Variants in CASP6 observed in about 807,000 individuals in gnomAD.
CASP6 encodes the protein caspase 6.
Under a neutral mutation model 31.8 loss-of-function variants are expected in CASP6, and 20 were observed. The observed-to-expected ratio is 0.63, with a 90% CI of 0.44 to 0.91. The LOEUF is 0.91. CASP6 is among the 40% of genes least tolerant of loss of function. The probability of loss-of-function intolerance (pLI) is 0.00; values close to 1 mark genes in which losing one functional copy is unlikely to be tolerated. For missense variants in CASP6, 328 were observed against 361.1 expected (o/e 0.91, Z 0.74); for synonymous variants, 130 against 127.8 (o/e 1.02, Z -0.12).
intron 2 of CASP6, 136 bp from the exon 3 acceptor site, chr4:109,697,904 A>G (rs1001028671): frequency 6.4e-6 from 6 of 940,422 alleles, no homozygotes; most frequent in South Asian, 5.3e-5. Flanking sequence ...GTGCTCCAGG[A>G]AAGGCCATGC....
At chr4:109,684,653 AGTTT>A (rs754000756), downstream of CASP6, 10 of 1,318,956 alleles carry the variant, frequency 7.6e-6, no homozygotes, top group Non-Finnish European at 1.1e-5. Flanking sequence ...ACAGGTGAGT[AGTTT>A]GTTAGGAAAA....
chr4:109,677,471 G>A, the CASP6 span, among the ~76,000 whole-genome samples: 1 of 152,148 alleles, frequency 6.6e-6, no homozygotes, highest in African/African-American at 2.4e-5. Context: ...AGGGGCCGGG[G>A]CAGAATGCTA....
upstream of CASP6, chr4:109,703,502 C>A: frequency 2.1e-6 from 3 of 1,434,354 alleles, no homozygotes; most frequent in South Asian, 1.3e-5. Context: ...GCCCCCTGCC[C>A]CCGAGCGTGG....
chr4:109,673,061 T>A, the CASP6 span, among the ~76,000 whole-genome samples: 2 of 152,216 alleles, frequency 1.3e-5, no homozygotes, highest in African/African-American at 2.4e-5. Context: ...CTTACAAACT[T>A]GCTTCCATTC....
chr4:109,701,666 AC>A (rs1238512736), intron 1 of CASP6, among the ~76,000 whole-genome samples: 1 of 152,228 alleles, frequency 6.6e-6, no homozygotes, highest in African/African-American at 2.4e-5. Flanking sequence ...CTTAGGTTTT[AC>A]AAAACTAATC....
chr4:109,691,996 T>C (rs1561258331), intron 5 of CASP6: 1 of 152,224 alleles, frequency 6.6e-6, no homozygotes, highest in Non-Finnish European at 1.5e-5. Context: ...TGTGGTACTT[T>C]GTTATGGTCA....
In CASP6 at chr4:109,695,740, CAA is replaced by C. The variant is rs762055298; in HGVS notation, c.307+668_307+669del. Among the ~76,000 whole-genome samples the C allele has an allele frequency of 9.6e-3, 1,227 of 127,772 alleles. 42 individuals are homozygous for C. The highest frequency in any genetic ancestry group is 0.095 in the East Asian group (411 of 4,328). The allele number at this position is 127,772 out of a possible 152,430, so 83.8% of individuals were successfully genotyped here. ...TGGGGCGGACAGCGAGACTCCATCT[CAA>C]AAAAAAAAAAAAAAGATTATAGCAC... On this transcript the variant is annotated intron_variant, in intron 4 of 6. Coordinates refer to ENST00000265164, the MANE Select transcript of CASP6 (RefSeq NM_001226.4).
the CASP6 span, among the ~76,000 whole-genome samples, chr4:109,664,864 G>A: frequency 1.3e-5 from 2 of 151,874 alleles, no homozygotes; most frequent in Non-Finnish European, 2.9e-5. Context: ...ATGCTTAACC[G>A]ACATTATTGG....
At chr4:109,702,960 C>A (rs1442410350) in intron 1 of CASP6, 1 of 218,888 alleles carries the variant, frequency 4.6e-6, no homozygotes, top group Non-Finnish European at 8.9e-6. Context: ...AACAAAAGAT[C>A]CAACCCCCAA....
At chr4:109,698,368 A>T in intron 1 of CASP6, 26 bp from the exon 2 acceptor site, 1 of 1,603,206 alleles carries the variant, frequency 6.2e-7, no homozygotes, top group Non-Finnish European at 8.5e-7. Context: ...GATTTTTGTT[A>T]ATTATTTTTT....
chr4:109,687,538 G>A (rs753083690), downstream of CASP6: 53 of 1,612,302 alleles, frequency 3.3e-5, no homozygotes, highest in South Asian at 4.4e-5. Context: ...TGAAACAGGC[G>A]CGTCATTCTC....
At chr4:109,698,889 C>G (rs1354115031) in intron 1 of CASP6, among the ~76,000 whole-genome samples, 1 of 152,216 alleles carries the variant, frequency 6.6e-6, no homozygotes, top group Non-Finnish European at 1.5e-5. Flanking sequence ...GGGGAGCCCT[C>G]TGCTCTCCAT....
upstream of CASP6, among the ~76,000 whole-genome samples, chr4:109,707,468 C>A (rs1452669686): frequency 6.6e-6 from 1 of 150,928 alleles, no homozygotes; most frequent in Non-Finnish European, 1.5e-5. Context: ...CTCACCGCAA[C>A]CTCTGCCGCC....
At chr4:109,701,296 A>C (rs1302549735) in intron 1 of CASP6, among the ~76,000 whole-genome samples, 1 of 152,194 alleles carries the variant, frequency 6.6e-6, no homozygotes, top group Non-Finnish European at 1.5e-5. Flanking sequence ...ATAAAGTAAG[A>C]AATAGCTTTA....
the CASP6 span, among the ~76,000 whole-genome samples, chr4:109,677,182 T>TA: frequency 6.6e-6 from 1 of 152,244 alleles, no homozygotes; most frequent in Admixed American, 6.5e-5. Context: ...GTTTTGGACT[T>TA]ACGTGGGACC....
At chr4:109,691,064 C>T (rs1730040798) in intron 5 of CASP6, 55 bp from the exon 6 acceptor site, 36 of 1,550,974 alleles carry the variant, frequency 2.3e-5, no homozygotes, top group East Asian at 4.6e-5. Context: ...CTTCCCAGTG[C>T]TTAATGTGTG....
chr4:109,700,957 T>G (rs1730404502), intron 1 of CASP6, among the ~76,000 whole-genome samples: 1 of 152,206 alleles, frequency 6.6e-6, no homozygotes, highest in African/African-American at 2.4e-5. Flanking sequence ...TTAATATTTA[T>G]TTTTTATTAC....
the CASP6 span, chr4:109,681,390 G>T: frequency 2.3e-6 from 1 of 439,864 alleles, no homozygotes; most frequent in Non-Finnish European, 4.6e-6. Context: ...AGCTGAAAAG[G>T]GTCTAAAGTT....
At chr4:109,677,970 T>A in the CASP6 span, among the ~76,000 whole-genome samples, 2 of 151,940 alleles carry the variant, frequency 1.3e-5, no homozygotes, top group Admixed American at 1.3e-4. Context: ...TGCGGCCTTC[T>A]GCAGTGTTTG....
Sources: allele counts gnomAD v4.1 joint callset (sites outside exome capture counted in the v4.1 genomes callset), GRCh38; gene constraint gnomAD v4.1.1; transcripts MANE v1.5; gene names NCBI Gene and HGNC (gene_info 2026-07-23, HGNC 2026-07-21).